The following ULK4 variants were observed in gnomAD, a reference collection of about 807,000 sequenced individuals.
ULK4 encodes inactive serine/threonine-protein kinase ULK4.
ULK4 carries 133 observed loss-of-function variants against 160.6 expected under a neutral mutation model. The ratio of observed to expected loss-of-function variants is 0.83; its 90% confidence interval spans 0.72 to 0.96. The LOEUF is 0.96. Among genes scored for constraint, ULK4 ranks in the 40% least tolerant of loss-of-function variants. The probability of loss-of-function intolerance (pLI) is 0.00; values close to 1 mark genes in which losing one functional copy is unlikely to be tolerated. For missense variants in ULK4, 1,580 were observed against 1,499.5 expected (o/e 1.05, Z -0.89); for synonymous variants, 534 against 539.8 (o/e 0.99, Z 0.15).
intron 22 of ULK4, among the ~76,000 whole-genome samples, chr3:41,734,047 C>A (rs999320419): frequency 3.3e-5 from 5 of 152,030 alleles, no homozygotes; most frequent in African/African-American, 1.2e-4. Flanking sequence ...TAGATGTTTT[C>A]ATCAAATTGT....
chr3:41,936,915 T>C (rs1342437526), intron 3 of ULK4, among the ~76,000 whole-genome samples: 1 of 152,134 alleles, frequency 6.6e-6, no homozygotes, highest in African/African-American at 2.4e-5. Context: ...AAGAATATAA[T>C]TGGATTGTAA....
intron 32 of ULK4, among the ~76,000 whole-genome samples, chr3:41,493,801 C>T (rs1289526306): frequency 1.4e-5 from 2 of 144,346 alleles, no homozygotes; most frequent in African/African-American, 5.1e-5. Flanking sequence ...CTACAAACAC[C>T]TCTACACAAA....
At position 41,735,427 on chromosome 3, in the gene ULK4, A is replaced by G. The variant is rs145673115; in HGVS notation, c.2322-17566T>C. Among the ~76,000 whole-genome samples, 513 of 152,204 alleles carry G rather than the reference A, an allele frequency of 3.4e-3. 1 individual carries two copies. Among genetic ancestry groups the G allele is most frequent in the African/African-American group, 0.012 (487 of 41,548 alleles). On this transcript the variant is annotated intron_variant, in intron 22 of 36. Coordinates refer to ENST00000301831, the MANE Select transcript of ULK4 (RefSeq NM_017886.4). ...TCTCCTTAAAGATGCCATCATCCCA[A>G]TTCCCCTGGGTCACCCTTATTCCCT... is the stretch of plus-strand genomic sequence containing the variant.
intron 31 of ULK4, among the ~76,000 whole-genome samples, chr3:41,584,523 G>C (rs1256356): frequency 0.44 from 66,630 of 151,778 alleles, 15,438 homozygotes; most frequent in Middle Eastern, 0.52. Flanking sequence ...CTGGGCTGAA[G>C]TGATCCTCCT....
chr3:41,601,993 A>G (rs2032096798), intron 31 of ULK4, among the ~76,000 whole-genome samples: 1 of 152,146 alleles, frequency 6.6e-6, no homozygotes, highest in South Asian at 2.1e-4. Flanking sequence ...CAGGAGTTCA[A>G]TACCAGGCTG....
intron 34 of ULK4, among the ~76,000 whole-genome samples, chr3:41,412,790 G>A (rs531268267): frequency 8.6e-5 from 13 of 151,820 alleles, no homozygotes; most frequent in Admixed American, 2.0e-4. Context: ...CGAACTCCTG[G>A]CCTCAAGTAA....
intron 22 of ULK4, among the ~76,000 whole-genome samples, chr3:41,721,255 A>ATTTT (rs67078042): frequency 6.4e-4 from 29 of 45,032 alleles, no homozygotes; most frequent in African/African-American, 1.5e-3. Context: ...TTCGCTTTGA[A>ATTTT]TTTTTTTTTT....
chr3:41,702,975 T>A (rs1016088269), intron 27 of ULK4, among the ~76,000 whole-genome samples: 1 of 149,820 alleles, frequency 6.7e-6, no homozygotes, highest in Non-Finnish European at 1.5e-5. Flanking sequence ...TGCCCCAGCC[T>A]CCCGAGTAGC....
At chr3:41,445,482 G>A (rs112317105) in intron 34 of ULK4, among the ~76,000 whole-genome samples, 80,187 of 151,498 alleles carry the variant, frequency 0.53, 21,581 homozygotes, top group East Asian at 0.69. Flanking sequence ...TATGCTACAA[G>A]GCTACAGTAA....
intron 30 of ULK4, among the ~76,000 whole-genome samples, chr3:41,642,822 C>T (rs1186007559): frequency 6.6e-6 from 1 of 152,200 alleles, no homozygotes; most frequent in Admixed American, 6.5e-5. Context: ...TAAAAGTGTT[C>T]CTATTTCTCC....
intron 32 of ULK4, among the ~76,000 whole-genome samples, chr3:41,470,664 T>G (rs1286364847): frequency 6.6e-6 from 1 of 152,124 alleles, no homozygotes; most frequent in Non-Finnish European, 1.5e-5. Context: ...TAAAATAAAC[T>G]GTTAATAAAT....
intron 30 of ULK4, among the ~76,000 whole-genome samples, chr3:41,638,886 T>G (rs1485420767): frequency 6.6e-6 from 1 of 152,222 alleles, no homozygotes; most frequent in Non-Finnish European, 1.5e-5. Context: ...TGCAATATAT[T>G]CACAATAATA....
At chr3:41,576,070 A>G (rs983613421) in intron 31 of ULK4, among the ~76,000 whole-genome samples, 13 of 152,218 alleles carry the variant, frequency 8.5e-5, no homozygotes, top group Non-Finnish European at 1.9e-4. Context: ...ACAACACACT[A>G]TCTGAGCTAA....
intron 25 of ULK4, among the ~76,000 whole-genome samples, chr3:41,709,158 C>T (rs1176874582): frequency 6.6e-6 from 1 of 152,062 alleles, no homozygotes; most frequent in Non-Finnish European, 1.5e-5. Flanking sequence ...TCAAATTTCA[C>T]TACACTTTTC....
chr3:41,286,322 C>A (rs1486426574), intron 35 of ULK4, among the ~76,000 whole-genome samples: 1 of 151,966 alleles, frequency 6.6e-6, no homozygotes, highest in Admixed American at 6.6e-5. Context: ...AGAGAGACAG[C>A]TTTTTTTGGC....
intron 16 of ULK4, among the ~76,000 whole-genome samples, chr3:41,890,202 A>G (rs1697868359): frequency 6.6e-6 from 1 of 152,224 alleles, no homozygotes; most frequent in African/African-American, 2.4e-5. Context: ...AACTGTACAC[A>G]TTAAAATGGT....
chr3:41,391,370 C>T (rs1163582838), intron 35 of ULK4, among the ~76,000 whole-genome samples: 1 of 152,012 alleles, frequency 6.6e-6, no homozygotes, highest in Non-Finnish European at 1.5e-5. Flanking sequence ...CAGTGTTTCT[C>T]TTAGAAATTT....
At chr3:41,429,055 A>G (rs1214839671) in intron 34 of ULK4, among the ~76,000 whole-genome samples, 1 of 152,016 alleles carries the variant, frequency 6.6e-6, no homozygotes, top group East Asian at 1.9e-4. Flanking sequence ...TTAAATTTAC[A>G]AGAAAAAAAA....
At chr3:41,269,180 T>C (rs896046212) in intron 35 of ULK4, among the ~76,000 whole-genome samples, 3 of 152,174 alleles carry the variant, frequency 2.0e-5, no homozygotes, top group Admixed American at 1.3e-4. Flanking sequence ...AGATGTGTGA[T>C]GAGCAGGACT....
Sources: allele counts gnomAD v4.1 joint callset (sites outside exome capture counted in the v4.1 genomes callset), GRCh38; gene constraint gnomAD v4.1.1; transcripts MANE v1.5; gene names NCBI Gene and HGNC (gene_info 2026-07-23, HGNC 2026-07-21).